The following PACSIN1 variants were observed in gnomAD, a reference collection of about 807,000 sequenced individuals.
The protein encoded by PACSIN1 is protein kinase C and casein kinase substrate in neurons 1, also known as protein kinase C and casein kinase substrate in neurons protein 1.
A neutral mutation model predicts 59.5 loss-of-function variants in PACSIN1; 15 were observed. That is an observed-to-expected ratio of 0.25 (90% CI 0.17 to 0.39). The LOEUF is 0.39. Ranked by LOEUF, PACSIN1 falls within the 10% of genes least tolerant of loss-of-function variation. The pLI, the probability that PACSIN1 is intolerant of heterozygous loss-of-function variation, is 1.00. For missense variants in PACSIN1, 420 were observed against 580.2 expected (o/e 0.72, Z 2.84); for synonymous variants, 210 against 220.6 (o/e 0.95, Z 0.42).
At chr6:34,477,319 T>C (rs946995685) in intron 1 of PACSIN1, among the ~76,000 whole-genome samples, 2 of 150,690 alleles carry the variant, frequency 1.3e-5, no homozygotes, top group South Asian at 2.1e-4. Flanking sequence ...AGGGAGATGC[T>C]GTCTCTATTT....
At chr6:34,474,367 G>A (rs139501916) in intron 1 of PACSIN1, among the ~76,000 whole-genome samples, 3 of 152,178 alleles carry the variant, frequency 2.0e-5, no homozygotes, top group Non-Finnish European at 4.4e-5. Context: ...CTTTGCAGCA[G>A]CCTCTACCTG....
At chr6:34,523,400 C>T (rs1767430613) in intron 1 of PACSIN1, among the ~76,000 whole-genome samples, 1 of 152,364 alleles carries the variant, frequency 6.6e-6, no homozygotes, top group South Asian at 2.1e-4. Context: ...TTCTCAGCTA[C>T]AGTGTGGGAG....
intron 1 of PACSIN1, among the ~76,000 whole-genome samples, chr6:34,501,901 G>C (rs112861836): frequency 6.6e-6 from 1 of 151,824 alleles, no homozygotes; most frequent in Non-Finnish European, 1.5e-5. Context: ...GTGTGGTGGC[G>C]CACAACTGTA....
intron 1 of PACSIN1, among the ~76,000 whole-genome samples, chr6:34,495,349 G>A (rs116434998): frequency 0.017 from 2,535 of 152,188 alleles, 36 homozygotes; most frequent in Non-Finnish European, 0.028. Flanking sequence ...CTAATGATTG[G>A]AATCACATGA....
At position 34,534,092 on chromosome 6, in the gene PACSIN1, A is replaced by G. The variant is rs1466939196; in HGVS notation, c.*1562A>G. Reference sequence around the variant, plus strand: ...GCAGATGCCCTCCTCCCTCCTGCACACCTGGCCTCCTGGGCCTCCAGGTAA... The same window carrying G: ...GCAGATGCCCTCCTCCCTCCTGCACGCCTGGCCTCCTGGGCCTCCAGGTAA... On this transcript the variant is annotated 3_prime_UTR_variant, in exon 10 of 10. Coordinates refer to ENST00000244458, the MANE Select transcript of PACSIN1 (RefSeq NM_020804.5). 1 of 152,782 alleles carries G rather than the reference A, an allele frequency of 6.5e-6. No homozygotes were observed. Among genetic ancestry groups the G allele is most frequent in the Non-Finnish European group, 1.5e-5 (1 of 68,544 alleles). 9.5% of individuals were successfully genotyped at this position (152,782 alleles called of 1,614,324 possible).
At chr6:34,528,912 T>A in intron 4 of PACSIN1, 35 bp downstream of exon 4, 1 of 464,336 alleles carries the variant, frequency 2.2e-6, no homozygotes, top group Non-Finnish European at 4.2e-6. Flanking sequence ...CGGGGTGGGG[T>A]GGGCCCGTCT....
rs1047274567 is a variant in PACSIN1 at position 34,478,512 on chromosome 6, G to A, written c.-64+12242G>A. On this transcript the variant is annotated intron_variant, in intron 1 of 9. Transcript: ENST00000244458. ...CTCAGGCTCCTGAGTAGCTGGGATT[G>A]CAGGCATGCGTCACCACACCTGGCT... Among the ~76,000 whole-genome samples the A allele has an allele frequency of 6.6e-5, 10 of 151,040 alleles. No individual in the cohort carries two copies. In the East Asian group the frequency reaches 1.4e-3, roughly 21 times the overall value.
At chr6:34,491,136 C>G (rs578097677) in intron 1 of PACSIN1, among the ~76,000 whole-genome samples, 3 of 152,164 alleles carry the variant, frequency 2.0e-5, no homozygotes, top group African/African-American at 7.2e-5. Flanking sequence ...GCCCTGGGCC[C>G]GCTCCTCAGC....
chr6:34,499,213 C>T (rs1364147165), intron 1 of PACSIN1, among the ~76,000 whole-genome samples: 3 of 151,792 alleles, frequency 2.0e-5, no homozygotes, highest in South Asian at 2.1e-4. Flanking sequence ...CTAGATCCCT[C>T]GCATTCACAA....
rs972464369 is a variant in PACSIN1 at position 34,521,740 on chromosome 6, C to T, written c.-63-4503C>T. On this transcript the variant is annotated intron_variant, in intron 1 of 9. Transcript: ENST00000244458. The surrounding 1 kb of genome is among the most constrained non-coding windows in gnomAD (Gnocchi z 4.3). Reference sequence around the variant, plus strand: ...ACGGCGGTGGTGGATGGATAGTAAGCGCCGACACCTGTGGAGAGCTCGCCG... The same window carrying T: ...ACGGCGGTGGTGGATGGATAGTAAGTGCCGACACCTGTGGAGAGCTCGCCG... Among the ~76,000 whole-genome samples, 14 of 152,096 alleles carry T rather than the reference C, an allele frequency of 9.2e-5. No individual in the cohort carries two copies. Among genetic ancestry groups the T allele is most frequent in the African/African-American group, 2.9e-4 (12 of 41,402 alleles).
rs1581989482 is a variant in PACSIN1 at position 34,531,521 on chromosome 6, C to G, written c.1038-79C>G. On this transcript the variant is annotated intron_variant, in intron 8 of 9. Coordinates refer to ENST00000244458, the MANE Select transcript of PACSIN1 (RefSeq NM_020804.5). The surrounding 1 kb of genome is among the most constrained non-coding windows in gnomAD (Gnocchi z 4.4). ...GCCTTGGTAGAATTCGGGATCAGGG[C>G]TCTGATTAGGAGGAGCGGTTAGCCC... is the stretch of plus-strand genomic sequence containing the variant. The G allele has an allele frequency of 2.8e-6, 4 of 1,431,484 alleles. No individual in the cohort carries two copies. In the East Asian group the frequency reaches 9.3e-5, roughly 33 times the overall value. The allele number at this position is 1,431,484 out of a possible 1,614,324, so 88.7% of individuals were successfully genotyped here. A position where few individuals can be genotyped will look rare whatever the true frequency, so the allele number is the denominator to read the frequency against.
In PACSIN1 at chr6:34,529,905, A is replaced by C. The variant is rs1206992115; in HGVS notation, c.788+64A>C. 1 of 1,511,174 alleles carries C rather than the reference A, an allele frequency of 6.6e-7. No individual in the cohort carries two copies. Among genetic ancestry groups the C allele is most frequent in the Non-Finnish European group, 9.0e-7 (1 of 1,107,168 alleles). 93.6% of individuals were successfully genotyped at this position (1,511,174 alleles called of 1,614,324 possible). On this transcript the variant is annotated intron_variant, in intron 6 of 9. Coordinates refer to ENST00000244458, the MANE Select transcript of PACSIN1 (RefSeq NM_020804.5). This position sits in a 1 kb window ranked among gnomAD's most constrained non-coding sequence, Gnocchi z 6.3. The stretch of plus-strand genomic sequence containing the variant: ...CCAGCAGATGGTGTGACTGGCATGC[A>C]GGGCATCCCAGCCCTCCATCACAGT...
Position 34,488,302 on chromosome 6 carries a change from C to T in PACSIN1, c.-64+22032C>T, listed in dbSNP as rs1355178324. On this transcript the variant is annotated intron_variant, in intron 1 of 9. Coordinates refer to ENST00000244458, the MANE Select transcript of PACSIN1 (RefSeq NM_020804.5). This position sits in a 1 kb window ranked among gnomAD's most constrained non-coding sequence, Gnocchi z 4.7. ...CTGCCAAGGCTATTATTCTTCCCTG[C>T]CCCTTGCCATACAAACAGTGTGAGG... 6.6e-6 allele frequency among the ~76,000 whole-genome samples: 1 copy of T among 152,190 alleles called. No individual in the cohort carries two copies. The highest frequency in any genetic ancestry group is 2.4e-5 in the African/African-American group (1 of 41,448).
At chr6:34,473,801 A>C (rs1766603644) in intron 1 of PACSIN1, among the ~76,000 whole-genome samples, 1 of 152,262 alleles carries the variant, frequency 6.6e-6, no homozygotes. Flanking sequence ...ATGGCTTAGC[A>C]TCAACAGATA....
At chr6:34,473,759 T>G (rs973755057) in intron 1 of PACSIN1, among the ~76,000 whole-genome samples, 1 of 152,136 alleles carries the variant, frequency 6.6e-6, no homozygotes, top group Non-Finnish European at 1.5e-5. Context: ...TTTACAGAAG[T>G]AGAGAAAATG....
intron 1 of PACSIN1, among the ~76,000 whole-genome samples, chr6:34,520,193 T>C (rs1767363791): frequency 6.6e-6 from 1 of 152,088 alleles, no homozygotes; most frequent in South Asian, 2.1e-4. Flanking sequence ...ACTCAAATCC[T>C]CCCCGCTGCA....
At chr6:34,517,867 G>C (rs1488787615) in intron 1 of PACSIN1, among the ~76,000 whole-genome samples, 1 of 152,192 alleles carries the variant, frequency 6.6e-6, no homozygotes. Flanking sequence ...ACAAGGGAGG[G>C]GGTTTTCTGT....
intron 1 of PACSIN1, among the ~76,000 whole-genome samples, chr6:34,495,933 G>A (rs1488945793): frequency 1.3e-5 from 2 of 152,138 alleles, no homozygotes; most frequent in African/African-American, 4.8e-5. Flanking sequence ...GCATAGGAGA[G>A]GTGTTAAGGT....
In PACSIN1 at chr6:34,533,820, G is replaced by A. The variant is rs769934602; in HGVS notation, c.*1290G>A. 1 of 152,402 alleles carries A rather than the reference G, an allele frequency of 6.6e-6. No individual in the cohort carries two copies. The highest frequency in any genetic ancestry group is 1.5e-5 in the Non-Finnish European group (1 of 68,206). 9.4% of individuals were successfully genotyped at this position (152,402 alleles called of 1,614,324 possible). Reference sequence around the variant, plus strand: ...CTCCAAACCTGGGTCAGAGTGAAAGGACCTTTGGGGGTGGGTGGGAGCAAA... The same window carrying A: ...CTCCAAACCTGGGTCAGAGTGAAAGAACCTTTGGGGGTGGGTGGGAGCAAA... On this transcript the variant is annotated 3_prime_UTR_variant, in exon 10 of 10. Transcript: ENST00000244458.
Sources: gnomAD v4.1 joint callset for allele counts (sites outside exome capture counted in the v4.1 genomes callset) on GRCh38, gnomAD v4.1.1 for gene constraint, Gnocchi (gnomAD v3.1) non-coding constraint, MANE v1.5 for transcripts, NCBI Gene and HGNC (gene_info 2026-07-23, HGNC 2026-07-21) for gene names.